RNF4: variants seen among roughly 807,000 people sequenced by gnomAD.
RNF4 encodes ring finger protein 4, also known as E3 ubiquitin-protein ligase RNF4.
Under a neutral mutation model 24.3 loss-of-function variants are expected in RNF4, and 7 were observed. The observed-to-expected ratio is 0.29, with a 90% confidence interval of 0.16 to 0.54. The LOEUF (loss-of-function observed/expected upper bound fraction) is 0.54. Ranked by LOEUF, RNF4 falls within the 20% of genes least tolerant of loss-of-function variation. RNF4 has a pLI of 0.95. For missense variants in RNF4, 209 were observed against 248.5 expected, an observed-to-expected ratio of 0.84 and a Z score of 1.07; for synonymous variants, 83 against 84.3, an observed-to-expected ratio of 0.98 and a Z score of 0.09.
chr4:2,475,855 A>G (rs1735054828), intron 1 of RNF4, among the ~76,000 whole-genome samples: 1 of 152,184 alleles, frequency 6.6e-6, no homozygotes. Context: ...CCAAGGTCAC[A>G]CAATTAGTAA....
Position 2,469,165 on chromosome 4 carries a change from C to G in RNF4, c.-251C>G, listed in dbSNP as rs2269488. The G allele has an allele frequency of 0.15, 22,542 of 152,212 alleles. 1,772 individuals are homozygous for G. Among genetic ancestry groups the G allele is most frequent in the African/African-American group, 0.18 (7,399 of 41,534 alleles). The allele number at this position is 152,212 out of a possible 1,614,324, so 9.4% of individuals were successfully genotyped here. The stretch of plus-strand genomic sequence containing the variant: ...TTTCTCGAGGAGCTCTCCTGGGCGG[C>G]TGAAGAAGGAGCTTCTTCTCCGGAG... On this transcript the variant is annotated 5_prime_UTR_variant, in exon 1 of 8. Transcript: ENST00000314289.
chr4:2,471,819 A>G (rs1221326467), intron 1 of RNF4, among the ~76,000 whole-genome samples: 1 of 152,236 alleles, frequency 6.6e-6, no homozygotes, highest in Non-Finnish European at 1.5e-5. Context: ...GTGAAGAGTG[A>G]GGAAGCTGCA....
At chr4:2,477,249 T>A (rs1329865767) in intron 1 of RNF4, among the ~76,000 whole-genome samples, 1 of 152,158 alleles carries the variant, frequency 6.6e-6, no homozygotes, top group Non-Finnish European at 1.5e-5. Flanking sequence ...TGGGGGCAGG[T>A]CTTTCCCATG....
intron 1 of RNF4, among the ~76,000 whole-genome samples, chr4:2,473,073 A>G (rs1176409071): frequency 6.6e-6 from 1 of 151,238 alleles, no homozygotes; most frequent in Admixed American, 6.6e-5. Context: ...TTTGTGATTC[A>G]TGGGAGGAGG....
intron 4 of RNF4, among the ~76,000 whole-genome samples, chr4:2,509,921 G>T (rs1181728236): frequency 6.6e-6 from 1 of 152,168 alleles, no homozygotes; most frequent in Non-Finnish European, 1.5e-5. Flanking sequence ...TTTGCTCCCA[G>T]CTAAACCCAA....
chr4:2,513,829 A>C lies in RNF4; in HGVS notation c.*10A>C. 6.2e-7 allele frequency: 1 copy of C among 1,613,910 alleles called. No individual in the cohort carries two copies. The highest frequency in any genetic ancestry group is 8.5e-7 in the Non-Finnish European group (1 of 1,179,890). On this transcript the variant is annotated 3_prime_UTR_variant, in exon 8 of 8. Transcript: ENST00000314289. Reference sequence around the variant, plus strand: ...CCCCATTTATATATGAAGTATTCAGAGCCCCCCAGGAGAGACGGATGGACA... The same window carrying C: ...CCCCATTTATATATGAAGTATTCAGCGCCCCCCAGGAGAGACGGATGGACA...
At chr4:2,483,486 C>G (rs1220792184) in intron 1 of RNF4, among the ~76,000 whole-genome samples, 2 of 152,184 alleles carry the variant, frequency 1.3e-5, no homozygotes, top group Non-Finnish European at 2.9e-5. Flanking sequence ...ATTGATATGA[C>G]TGAGGGTATC....
chr4:2,471,306 G>A (rs1394499707), intron 1 of RNF4, among the ~76,000 whole-genome samples: 1 of 152,142 alleles, frequency 6.6e-6, no homozygotes, highest in Non-Finnish European at 1.5e-5. Flanking sequence ...AGTGACCTGT[G>A]ATCAATGTTT....
At position 2,484,621 on chromosome 4, in the gene RNF4, TG is replaced by T. The variant is rs371750712; in HGVS notation, c.-157-5708del. Among the ~76,000 whole-genome samples the T allele has an allele frequency of 2.8e-4, 41 of 147,410 alleles. No individual in the cohort carries two copies. The South Asian group carries it at 4.3e-3, about 15-fold the overall frequency. ...ATTATATGTCACACTCCTGCTAGAG[TG>T]GGGGGGGTCAATATCTGAAGTGCTT... On this transcript the variant is annotated intron_variant, in intron 1 of 7. Coordinates refer to ENST00000314289, the MANE Select transcript of RNF4 (RefSeq NM_002938.5).
chr4:2,496,837 CTCCGTAAGCA>C (rs1438662936), intron 2 of RNF4, among the ~76,000 whole-genome samples, 160 bp from the exon 3 acceptor site: 1 of 152,166 alleles, frequency 6.6e-6, no homozygotes, highest in Non-Finnish European at 1.5e-5. Flanking sequence ...TGGTTTCTCT[CTCCGTAAGCA>C]TTCAGTATTC....
chr4:2,473,684 G>T (rs969609738), intron 1 of RNF4, among the ~76,000 whole-genome samples: 2 of 151,940 alleles, frequency 1.3e-5, no homozygotes, highest in South Asian at 2.1e-4. Flanking sequence ...GGTGGCGCAC[G>T]CCTGTAATCC....
chr4:2,480,461 TG>T (rs1243763623), intron 1 of RNF4: 1 of 151,286 alleles, frequency 6.6e-6, no homozygotes, highest in East Asian at 2.0e-4. Flanking sequence ...TTAGTAGAGG[TG>T]GGGTTTCACC....
At chr4:2,511,997 T>A in intron 5 of RNF4, 32 bp downstream of exon 5, 1 of 1,601,660 alleles carries the variant, frequency 6.2e-7, no homozygotes, top group Non-Finnish European at 8.5e-7. Flanking sequence ...TTCACTGGGT[T>A]TGGAGAGGAA....
chr4:2,506,463 T>A (rs1049664057), intron 4 of RNF4, among the ~76,000 whole-genome samples: 9 of 152,164 alleles, frequency 5.9e-5, no homozygotes, highest in African/African-American at 2.2e-4. Context: ...ATTACAGACG[T>A]GAGCCACCAT....
rs1736358767 is a variant in RNF4, at chr4:2,514,522, G to A, written c.*703G>A. The A allele has an allele frequency of 6.5e-6, 1 of 153,246 alleles. No homozygotes were observed. The highest frequency in any genetic ancestry group is 1.5e-5 in the Non-Finnish European group (1 of 68,530). The allele number at this position is 153,246 out of a possible 1,614,324, so 9.5% of individuals were successfully genotyped here. A position where few individuals can be genotyped will look rare whatever the true frequency, so the allele number is the denominator to read the frequency against. ...CCCCCTCAGAGGCTTAATGTTGCCT[G>A]TGGAGCAGTGCCCATCCCAGCCCGT... On this transcript the variant is annotated 3_prime_UTR_variant, in exon 8 of 8. Transcript: ENST00000314289.
At chr4:2,505,274 C>G (rs1736044847) in intron 4 of RNF4, 1 of 151,500 alleles carries the variant, frequency 6.6e-6, no homozygotes, top group Non-Finnish European at 1.5e-5. Flanking sequence ...TTCTCCAGTG[C>G]TGTCTGGAAT....
intron 2 of RNF4, among the ~76,000 whole-genome samples, 166 bp from the exon 3 acceptor site, chr4:2,496,841 G>A (rs577345683): frequency 5.9e-5 from 9 of 152,210 alleles, no homozygotes; most frequent in South Asian, 2.1e-4. Context: ...TTCTCTCTCC[G>A]TAAGCATTCA....
chr4:2,496,377 CT>C (rs1299723767), intron 2 of RNF4, among the ~76,000 whole-genome samples: 4 of 152,192 alleles, frequency 2.6e-5, no homozygotes, highest in Non-Finnish European at 5.9e-5. Flanking sequence ...AGTTTCCAGC[CT>C]TTTGGCCAGG....
rs189472098 is a variant in RNF4 at position 2,506,574 on chromosome 4, T to C, written c.205-5382T>C. Among the ~76,000 whole-genome samples, 637 of 151,812 alleles carry C rather than the reference T, an allele frequency of 4.2e-3. 1 individual carries two copies. Among genetic ancestry groups the C allele is most frequent in the Middle Eastern group, 0.017 (5 of 294 alleles). On this transcript the variant is annotated intron_variant, in intron 4 of 7. Coordinates refer to ENST00000314289, the MANE Select transcript of RNF4 (RefSeq NM_002938.5). ...TGTTTTTTTTCTTCTTCTTCTTCTT[T>C]TTTTTTCCCTTGAAACAGGGTCTCA... is the stretch of plus-strand genomic sequence containing the variant.
Sources: gnomAD v4.1 joint callset for allele counts (sites outside exome capture counted in the v4.1 genomes callset) on GRCh38, gnomAD v4.1.1 for gene constraint, MANE v1.5 for transcripts, NCBI Gene and HGNC (gene_info 2026-07-23, HGNC 2026-07-21) for gene names.